B4GALT1: variants seen among roughly 807,000 people sequenced by gnomAD.
B4GALT1 encodes beta-1,4-galactosyltransferase 1.
B4GALT1 carries 16 observed loss-of-function variants against 34.9 expected under a neutral mutation model. The ratio of observed to expected loss-of-function variants is 0.46; its 90% CI spans 0.31 to 0.70. The LOEUF (loss-of-function observed/expected upper bound fraction) is 0.70. B4GALT1 is among the 30% of genes least tolerant of loss of function. The pLI is 0.05. For synonymous variants in B4GALT1, 221 were observed against 218.1 expected (o/e 1.01, Z -0.12); for missense variants, 445 against 530.5 (o/e 0.84, Z 1.58).
chr9:33,175,111 A>T, the B4GALT1 span, among the ~76,000 whole-genome samples: 1 of 144,392 alleles, frequency 6.9e-6, no homozygotes, highest in African/African-American at 2.6e-5. Flanking sequence ...CAGAAGTTTG[A>T]TACTAGCCTG....
chr9:33,141,603 A>T (rs1178111743), intron 1 of B4GALT1, among the ~76,000 whole-genome samples: 1 of 152,212 alleles, frequency 6.6e-6, no homozygotes, highest in Admixed American at 6.5e-5. Context: ...GGTAACAAAC[A>T]ATAAGCTAAA....
upstream of B4GALT1, among the ~76,000 whole-genome samples, chr9:33,171,548 G>A (rs1045248329): frequency 6.6e-6 from 1 of 151,988 alleles, no homozygotes; most frequent in African/African-American, 2.4e-5. Flanking sequence ...AAACTGGCTC[G>A]GCCTCTTGTT....
At chr9:33,164,919 T>TA (rs1840725684) in intron 1 of B4GALT1, among the ~76,000 whole-genome samples, 1 of 151,422 alleles carries the variant, frequency 6.6e-6, no homozygotes, top group Non-Finnish European at 1.5e-5. Flanking sequence ...TTAAAGATCC[T>TA]AAGCAAATAT....
At chr9:33,121,998 C>T (rs1207478734) in intron 2 of B4GALT1, among the ~76,000 whole-genome samples, 2 of 152,166 alleles carry the variant, frequency 1.3e-5, no homozygotes, top group Admixed American at 6.5e-5. Context: ...GTTCACAAAG[C>T]CTCCTGCACA....
intron 2 of B4GALT1, among the ~76,000 whole-genome samples, chr9:33,123,861 G>A (rs1056197909): frequency 5.3e-5 from 8 of 152,330 alleles, no homozygotes; most frequent in Admixed American, 3.9e-4. Context: ...ACCGCCCGGG[G>A]TGCCACGGCC....
At chr9:33,156,596 G>A (rs1304185145) in intron 1 of B4GALT1, among the ~76,000 whole-genome samples, 1 of 152,154 alleles carries the variant, frequency 6.6e-6, no homozygotes, top group Non-Finnish European at 1.5e-5. Context: ...CAGACTTTGG[G>A]CTATTGTAAC....
chr9:33,120,456 G>A lies in B4GALT1; in HGVS notation c.799C>T (p.Arg267Trp), dbSNP rs756489805. The change falls in exon 3 of 6, where the codon CGG becomes TGG. Residue 267 changes from arginine (R) to tryptophan (W), a missense_variant. This residue lies in a region of B4GALT1 where 349 missense variants were observed against 395.5 expected (regional missense o/e 0.88). Coordinates refer to ENST00000379731, the MANE Select transcript of B4GALT1 (RefSeq NM_001497.4). ...HNAYRCFSQP[R>W]HISVAMDKFG... ...TTATCCATTGCAACGGAAATGTGCC[G>A]TGGCTGTGAAAAACACCTGTACGCA... 18 of 1,613,682 alleles carry A rather than the reference G, an allele frequency of 1.1e-5. No individual in the cohort carries two copies. The highest frequency in any genetic ancestry group is 2.7e-5 in the African/African-American group (2 of 74,920).
At chr9:33,174,981 AAAAAAAAAAAT>A in the B4GALT1 span, among the ~76,000 whole-genome samples, 5 of 41,446 alleles carry the variant, frequency 1.2e-4, no homozygotes, top group African/African-American at 3.7e-4. Context: ...AAAAAAAAAA[AAAAAAAAAAAT>A]ATATATATAT....
intron 2 of B4GALT1, among the ~76,000 whole-genome samples, chr9:33,128,417 G>A (rs1356170077): frequency 2.6e-5 from 4 of 152,252 alleles, no homozygotes; most frequent in African/African-American, 9.6e-5. Context: ...TCATGGGTGA[G>A]CAGAAAAAAT....
chr9:33,113,914 C>T, intron 4 of B4GALT1, 36 bp from the exon 5 acceptor site: 1 of 1,595,348 alleles, frequency 6.3e-7, no homozygotes, highest in South Asian at 1.1e-5. Context: ...TATCACAGAG[C>T]TGCCATACAC....
At chr9:33,171,397 A>G (rs538015818), upstream of B4GALT1, among the ~76,000 whole-genome samples, 1 of 152,284 alleles carries the variant, frequency 6.6e-6, no homozygotes, top group East Asian at 1.9e-4. Context: ...GTTTCCTCAC[A>G]AACTAGAGGA....
intron 1 of B4GALT1, among the ~76,000 whole-genome samples, chr9:33,150,047 T>A (rs78815439): frequency 6.6e-6 from 1 of 152,048 alleles, no homozygotes; most frequent in East Asian, 1.9e-4. Flanking sequence ...TTGTTAATTA[T>A]ACTATGTTTA....
At position 33,157,063 on chromosome 9, in the gene B4GALT1, TACACACAC is replaced by T. The variant is rs371027641; in HGVS notation, c.412+9687_412+9694del. On this transcript the variant is annotated intron_variant, in intron 1 of 5. Transcript: ENST00000379731. ...CCACATGGTGTCCAGCATAGGGAAC[TACACACAC>T]ACACACACACACACACACACACACA... is the stretch of plus-strand genomic sequence containing the variant. Among the ~76,000 whole-genome samples the T allele has an allele frequency of 6.5e-3, 565 of 87,306 alleles. 3 individuals are homozygous for T. Among genetic ancestry groups the T allele is most frequent in the Non-Finnish European group, 7.3e-3 (358 of 49,118 alleles). 57.3% of individuals were successfully genotyped at this position (87,306 alleles called of 152,430 possible).
rs187803274 is a variant in B4GALT1 at position 33,155,630 on chromosome 9, T to C, written c.412+11128A>G. Among the ~76,000 whole-genome samples, 402 of 152,326 alleles carry C rather than the reference T, an allele frequency of 2.6e-3. 1 individual carries two copies. The highest frequency in any genetic ancestry group is 4.3e-3 in the Non-Finnish European group (291 of 68,036). On this transcript the variant is annotated intron_variant, in intron 1 of 5. Transcript: ENST00000379731. ...CAACAAGATAGCGGCCTTCTCCTTG[T>C]GGCCTGGGGTACTCGCTTTGGGCTA...
intron 1 of B4GALT1, among the ~76,000 whole-genome samples, chr9:33,159,459 G>A (rs924288871): frequency 7.9e-5 from 12 of 152,138 alleles, no homozygotes; most frequent in African/African-American, 2.4e-4. Flanking sequence ...AAATGACCCC[G>A]GCAGACAAAA....
intron 1 of B4GALT1, among the ~76,000 whole-genome samples, chr9:33,153,030 A>G (rs1564051833): frequency 6.6e-6 from 1 of 152,206 alleles, no homozygotes; most frequent in Non-Finnish European, 1.5e-5. Flanking sequence ...AAAGACTCCC[A>G]TCTTGAAAGA....
At chr9:33,137,342 T>A (rs1840286172) in intron 1 of B4GALT1, among the ~76,000 whole-genome samples, 1 of 152,218 alleles carries the variant, frequency 6.6e-6, no homozygotes, top group Non-Finnish European at 1.5e-5. Flanking sequence ...CTTGATCCTT[T>A]TACTCTCTGC....
Position 33,112,042 on chromosome 9 carries a change from GT to G in B4GALT1, c.*1411del, listed in dbSNP as rs891638705. On this transcript the variant is annotated 3_prime_UTR_variant, in exon 6 of 6. Coordinates refer to ENST00000379731, the MANE Select transcript of B4GALT1 (RefSeq NM_001497.4). The stretch of plus-strand genomic sequence containing the variant: ...GTTTGACCCTGAGTGCCACAGTCAA[GT>G]TTTAGGGGACAGGCAAGAGGCAAAG... 1 of 152,764 alleles carries G rather than the reference GT, an allele frequency of 6.5e-6. No individual in the cohort carries two copies. The highest frequency in any genetic ancestry group is 2.4e-5 in the African/African-American group (1 of 41,454). 9.5% of individuals were successfully genotyped at this position (152,764 alleles called of 1,614,324 possible).
At chr9:33,175,408 A>G in the B4GALT1 span, among the ~76,000 whole-genome samples, 1 of 152,154 alleles carries the variant, frequency 6.6e-6, no homozygotes, top group Non-Finnish European at 1.5e-5. Context: ...AGCCATGTTA[A>G]CTTCCTGTTT....
Sources: allele counts gnomAD v4.1 joint callset (sites outside exome capture counted in the v4.1 genomes callset), GRCh38; gene constraint gnomAD v4.1.1; regional missense constraint gnomAD v4.1.1; transcripts MANE v1.5; gene names NCBI Gene and HGNC (gene_info 2026-07-23, HGNC 2026-07-21).